Variants in MAP2K5 observed in about 807,000 individuals in gnomAD.
MAP2K5 encodes the protein dual specificity mitogen-activated protein kinase kinase 5.
In MAP2K5, 49 loss-of-function variants were observed where a neutral mutation model predicts 83.1. The ratio of observed to expected loss-of-function variants is 0.59; its 90% CI spans 0.47 to 0.75. The LOEUF (loss-of-function observed/expected upper bound fraction) is 0.75. Among genes scored for constraint, MAP2K5 ranks in the 30% least tolerant of loss-of-function variants. MAP2K5 has a pLI of 0.00. For synonymous variants in MAP2K5, 202 were observed against 191.8 expected (o/e 1.05, Z -0.44); for missense variants, 457 against 557.5 (o/e 0.82, Z 1.82).
chr15:67,737,410 T>C (rs1331094041), intron 17 of MAP2K5, among the ~76,000 whole-genome samples: 1 of 152,186 alleles, frequency 6.6e-6, no homozygotes, highest in Non-Finnish European at 1.5e-5. Flanking sequence ...CTGGCCGAGC[T>C]TTGTTTGAGC....
rs757540949 is a variant in MAP2K5 at position 67,780,635 on chromosome 15, G to A, written c.1242+7883G>A. On this transcript the variant is annotated intron_variant, in intron 21 of 21. Transcript: ENST00000178640. The surrounding 1 kb of genome is among the most constrained non-coding windows in gnomAD (Gnocchi z 5.0). ...ATACAGTATAAATTAGGGTGGCCAC[G>A]CTAGAATACATGGCCAGATAAAAAA... Among the ~76,000 whole-genome samples the A allele has an allele frequency of 2.6e-5, 4 of 152,198 alleles. No individual in the cohort carries two copies. The highest frequency in any genetic ancestry group is 4.4e-5 in the Non-Finnish European group (3 of 68,030).
rs1184818819 is a variant in MAP2K5 at position 67,768,848 on chromosome 15, C to A, written c.1135-754C>A. On this transcript the variant is annotated intron_variant, in intron 19 of 21. Transcript: ENST00000178640. The surrounding 1 kb of genome is among the most constrained non-coding windows in gnomAD (Gnocchi z 4.0). ...TCATTCTTGGAAAAACTCCTAAATT[C>A]TTAAAGCCTTCCTTTGCAAACGGTA... is the stretch of plus-strand genomic sequence containing the variant. Among the ~76,000 whole-genome samples, 2 of 152,198 alleles carry A rather than the reference C, an allele frequency of 1.3e-5. No homozygotes were observed. Among genetic ancestry groups the A allele is most frequent in the African/African-American group, 4.8e-5 (2 of 41,450 alleles).
intron 11 of MAP2K5, 43 bp downstream of exon 11, chr15:67,646,512 G>C (rs770314211): frequency 1.9e-5 from 22 of 1,168,588 alleles, no homozygotes. Flanking sequence ...GATTTTTAGA[G>C]TATATAGTGC....
intron 8 of MAP2K5, chr15:67,628,185 A>G (rs756479357): frequency 1.9e-5 from 19 of 980,140 alleles, no homozygotes; most frequent in Admixed American, 1.9e-4. Context: ...TGGTGGCATT[A>G]AAGAAGATAC....
rs947141240 is a variant in MAP2K5, at chr15:67,769,051, A to G, written c.1135-551A>G. On this transcript the variant is annotated intron_variant, in intron 19 of 21. Transcript: ENST00000178640. The surrounding 1 kb of genome is among the most constrained non-coding windows in gnomAD (Gnocchi z 5.2). ...GAGGAGTCTGCCTAGACTGGCAAAT[A>G]GGCTGAAATTCCTTTTCAGGAAACA... Among the ~76,000 whole-genome samples, 18 of 152,102 alleles carry G rather than the reference A, an allele frequency of 1.2e-4. No individual in the cohort carries two copies. The highest frequency in any genetic ancestry group is 4.1e-4 in the African/African-American group (17 of 41,398).
chr15:67,741,078 C>T (rs565674299), intron 17 of MAP2K5, among the ~76,000 whole-genome samples: 9 of 151,426 alleles, frequency 5.9e-5, no homozygotes, highest in South Asian at 4.2e-4. Context: ...CCTTGAGTCT[C>T]GGCTGTCTGG....
chr15:67,647,747 G>A (rs1188887784), intron 11 of MAP2K5, among the ~76,000 whole-genome samples: 1 of 152,140 alleles, frequency 6.6e-6, no homozygotes, highest in African/African-American at 2.4e-5. Flanking sequence ...GCGCATACCT[G>A]TAGTCTCAGC....
At chr15:67,718,118 C>T (rs572388994) in intron 16 of MAP2K5, 1 of 152,260 alleles carries the variant, frequency 6.6e-6, no homozygotes, top group South Asian at 2.1e-4. Context: ...GTACAGAGGC[C>T]AGAAGTATGA....
At chr15:67,759,387 G>C (rs1403276882) in intron 19 of MAP2K5, among the ~76,000 whole-genome samples, 1 of 151,352 alleles carries the variant, frequency 6.6e-6, no homozygotes, top group Non-Finnish European at 1.5e-5. Flanking sequence ...GGTGAGACCC[G>C]ATCTCTACAA....
chr15:67,698,192 T>A lies in MAP2K5; in HGVS notation c.972+4624T>A, dbSNP rs890518869. On this transcript the variant is annotated intron_variant, in intron 15 of 21. Coordinates refer to ENST00000178640, the MANE Select transcript of MAP2K5 (RefSeq NM_145160.3). This position sits in a 1 kb window ranked among gnomAD's most constrained non-coding sequence, Gnocchi z 4.5. ...AAATTAACCATTTTTCAGAAATTCT[T>A]TATTTTTTTTTTCTTGAGATGAAGT... 2.0e-5 allele frequency among the ~76,000 whole-genome samples: 3 copies of A among 152,088 alleles called. No individual in the cohort carries two copies. Among genetic ancestry groups the A allele is most frequent in the Non-Finnish European group, 4.4e-5 (3 of 68,020 alleles).
chr15:67,611,819 C>T (rs1334800585), intron 8 of MAP2K5, among the ~76,000 whole-genome samples: 1 of 152,126 alleles, frequency 6.6e-6, no homozygotes, highest in Non-Finnish European at 1.5e-5. Flanking sequence ...AGAATATATG[C>T]AAACCTAAGA....
At chr15:67,705,258 G>T (rs1864040569) in intron 16 of MAP2K5, among the ~76,000 whole-genome samples, 1 of 152,196 alleles carries the variant, frequency 6.6e-6, no homozygotes, top group Non-Finnish European at 1.5e-5. Context: ...ATGCATTCAT[G>T]TGTTGAACTC....
chr15:67,650,792 T>A (rs1205031150), intron 11 of MAP2K5, among the ~76,000 whole-genome samples: 2 of 152,224 alleles, frequency 1.3e-5, no homozygotes, highest in Admixed American at 6.5e-5. Flanking sequence ...TAGTTTTCTT[T>A]TTTTGTGATG....
chr15:67,545,800 T>C (rs868443798), intron 1 of MAP2K5, among the ~76,000 whole-genome samples: 10 of 152,226 alleles, frequency 6.6e-5, no homozygotes, highest in African/African-American at 2.4e-4. Flanking sequence ...CCTAGAGTTC[T>C]GAGGACTCCT....
At chr15:67,598,205 C>CAA (rs529764590) in intron 7 of MAP2K5, among the ~76,000 whole-genome samples, 2 of 130,438 alleles carry the variant, frequency 1.5e-5, no homozygotes. Context: ...ACTTCATCTC[C>CAA]AAAAAAAAAA....
chr15:67,740,464 C>T (rs1196209725), intron 17 of MAP2K5, among the ~76,000 whole-genome samples: 1 of 152,076 alleles, frequency 6.6e-6, no homozygotes, highest in African/African-American at 2.4e-5. Flanking sequence ...CATGGGCACA[C>T]ACCTGTAGTC....
intron 21 of MAP2K5, among the ~76,000 whole-genome samples, chr15:67,784,785 C>T (rs11071961): frequency 0.25 from 37,309 of 152,000 alleles, 4,648 homozygotes; most frequent in South Asian, 0.34. Flanking sequence ...CTTTCCACTT[C>T]TGCCATCATG....
chr15:67,754,393 G>A (rs940731709), intron 19 of MAP2K5, among the ~76,000 whole-genome samples: 3 of 152,180 alleles, frequency 2.0e-5, no homozygotes, highest in Admixed American at 6.5e-5. Context: ...ATTCCATTTC[G>A]TAGAAGACTA....
At chr15:67,728,602 T>C (rs1464536682) in intron 17 of MAP2K5, among the ~76,000 whole-genome samples, 1 of 152,186 alleles carries the variant, frequency 6.6e-6, no homozygotes, top group Non-Finnish European at 1.5e-5. Context: ...GTGAAATGTC[T>C]AGAGGGATGA....
Sources: gnomAD v4.1 joint callset for allele counts (sites outside exome capture counted in the v4.1 genomes callset) on GRCh38, gnomAD v4.1.1 for gene constraint, Gnocchi (gnomAD v3.1) non-coding constraint, MANE v1.5 for transcripts, NCBI Gene and HGNC (gene_info 2026-07-23, HGNC 2026-07-21) for gene names.